CCDC157: variants seen among roughly 807,000 people sequenced by gnomAD.
CCDC157 encodes the protein coiled-coil domain containing 157.
CCDC157 carries 60 observed loss-of-function variants against 70.9 expected under a neutral mutation model. That is an observed-to-expected ratio of 0.85 (90% CI 0.69 to 1.05). CCDC157 has a LOEUF of 1.05. Ranked by LOEUF, CCDC157 falls within the 50% of genes least tolerant of loss-of-function variation. The pLI, the probability that CCDC157 is intolerant of heterozygous loss-of-function variation, is 0.00. For missense variants in CCDC157, 943 were observed against 984.2 expected, an observed-to-expected ratio of 0.96 and a Z score of 0.56; for synonymous variants, 373 against 422.4, an observed-to-expected ratio of 0.88 and a Z score of 1.43.
intron 5 of CCDC157, chr22:30,371,200 CAGTG>C (rs1391729095): frequency 5.2e-6 from 3 of 571,652 alleles, no homozygotes; most frequent in Non-Finnish European, 9.4e-6. Flanking sequence ...GTCCATCGGT[CAGTG>C]AGGGAACCGA....
intron 9 of CCDC157, chr22:30,374,418 G>C: frequency 1.9e-6 from 1 of 522,108 alleles, no homozygotes; most frequent in Non-Finnish European, 3.7e-6. Context: ...ACTTCTGTGT[G>C]TCCCCCTTCT....
intron 6 of CCDC157, 30 bp downstream of exon 6, chr22:30,371,757 C>T (rs376722350): frequency 6.7e-5 from 105 of 1,564,698 alleles, no homozygotes; most frequent in Non-Finnish European, 8.6e-5. Flanking sequence ...GCCCCCATGC[C>T]ACATCTCAAG....
At chr22:30,373,158 G>A (rs963654980) in intron 7 of CCDC157, 18 of 174,670 alleles carry the variant, frequency 1.0e-4, no homozygotes, top group East Asian at 1.7e-4. Flanking sequence ...CCAGGACTCC[G>A]AGCAGTCCAG....
At chr22:30,367,966 G>C (rs1212160567) in intron 3 of CCDC157, among the ~76,000 whole-genome samples, 1 of 152,190 alleles carries the variant, frequency 6.6e-6, no homozygotes, top group African/African-American at 2.4e-5. Context: ...CAGGAGAATT[G>C]CTTGAACCTA....
At chr22:30,373,548 C>T (rs1246100532) in intron 7 of CCDC157, 49 bp from the exon 8 acceptor site, 5 of 1,546,374 alleles carry the variant, frequency 3.2e-6, no homozygotes, top group Non-Finnish European at 4.4e-6. Context: ...CATGGCTGGG[C>T]CTAGCCCTGT....
At chr22:30,375,359 G>C in intron 9 of CCDC157, 120 bp from the exon 10 acceptor site, 2 of 884,124 alleles carry the variant, frequency 2.3e-6, no homozygotes, top group East Asian at 5.0e-5. Flanking sequence ...GGGGAATAAG[G>C]CCTCGGGAGA....
intron 1 of CCDC157, among the ~76,000 whole-genome samples, chr22:30,359,454 G>T (rs1289949283): frequency 6.6e-6 from 1 of 152,212 alleles, no homozygotes; most frequent in Non-Finnish European, 1.5e-5. Context: ...GGTAGTTCCT[G>T]GAGGACAGGG....
intron 5 of CCDC157, 31 bp from the exon 6 acceptor site, chr22:30,371,619 C>A: frequency 6.3e-7 from 1 of 1,590,604 alleles, no homozygotes; most frequent in East Asian, 2.2e-5. Context: ...CCATGGGACC[C>A]TCTGAAGGGC....
chr22:30,358,105 C>A (rs971318196), intron 1 of CCDC157, among the ~76,000 whole-genome samples: 1 of 152,224 alleles, frequency 6.6e-6, no homozygotes, highest in African/African-American at 2.4e-5. Context: ...CTCTCCTCAA[C>A]TCTGGAAAGC....
rs1021903302 is a variant in CCDC157 at position 30,372,430 on chromosome 22, A to G, written c.1335+144A>G. ...CAGGTGTGGGGGTTGACTCACCTTT[A>G]CAGAGAGTCTACCCTGAACCAGGCA... On this transcript the variant is annotated intron_variant, in intron 7 of 11. Transcript: ENST00000338306. The G allele has an allele frequency of 2.2e-5, 26 of 1,169,706 alleles. No individual in the cohort carries two copies. The African/African-American group carries it at 3.4e-4, about 15-fold the overall frequency. The allele number at this position is 1,169,706 out of a possible 1,614,324, so 72.5% of individuals were successfully genotyped here. A position where few individuals can be genotyped will look rare whatever the true frequency, so the allele number is the denominator to read the frequency against.
chr22:30,365,521 G>A (rs1932661903), intron 2 of CCDC157, among the ~76,000 whole-genome samples: 1 of 152,142 alleles, frequency 6.6e-6, no homozygotes, highest in Admixed American at 6.5e-5. Flanking sequence ...AGATTGGAGA[G>A]GGCAGGCCTG....
At chr22:30,363,439 A>G (rs1932489217) in intron 2 of CCDC157, among the ~76,000 whole-genome samples, 1 of 152,072 alleles carries the variant, frequency 6.6e-6, no homozygotes, top group Admixed American at 6.6e-5. Context: ...CTTGTATTGG[A>G]CCAAGCACCT....
At chr22:30,374,688 A>G (rs1289930194) in intron 9 of CCDC157, 1 of 456,694 alleles carries the variant, frequency 2.2e-6, no homozygotes, top group Non-Finnish European at 4.4e-6. Context: ...TCCCCTTCTC[A>G]ACCACCTTGT....
At chr22:30,373,829 TC>T in intron 8 of CCDC157, 65 bp downstream of exon 8, 1 of 1,533,986 alleles carries the variant, frequency 6.5e-7, no homozygotes, top group Non-Finnish European at 8.8e-7. Flanking sequence ...TGCAGGCCTG[TC>T]CCATGTCTTT....
At position 30,371,884 on chromosome 22, in the gene CCDC157, C is replaced by T. The variant is rs184604773; in HGVS notation, c.1123+157C>T. 1.8e-4 allele frequency: 137 copies of T among 771,582 alleles called. 1 individual carries two copies. Among genetic ancestry groups the T allele is most frequent in the South Asian group, 5.4e-4 (31 of 57,688 alleles). The allele number at this position is 771,582 out of a possible 1,614,324, so 47.8% of individuals were successfully genotyped here. A position where few individuals can be genotyped will look rare whatever the true frequency, so the allele number is the denominator to read the frequency against. ...GACCAACCACACTATTGGCGATGACCAAACTGGGTTGCCACCTCCTACCGA... is the reference window on the plus strand; with the variant it reads ...GACCAACCACACTATTGGCGATGACTAAACTGGGTTGCCACCTCCTACCGA... On this transcript the variant is annotated intron_variant, in intron 6 of 11. Coordinates refer to ENST00000338306, the MANE Select transcript of CCDC157 (RefSeq NM_001017437.5).
intron 9 of CCDC157, 105 bp downstream of exon 9, chr22:30,374,196 A>G: frequency 1.5e-6 from 2 of 1,366,744 alleles, no homozygotes; most frequent in Non-Finnish European, 1.0e-6. Context: ...AGCCTGCAGC[A>G]AGGGTGTTAA....
intron 1 of CCDC157, among the ~76,000 whole-genome samples, chr22:30,361,261 A>AAG (rs1391094894): frequency 2.3e-4 from 35 of 151,330 alleles, no homozygotes; most frequent in Admixed American, 1.5e-3. Context: ...AAAAAAAAAA[A>AAG]AAAAGAAAAA....
chr22:30,373,557 G>T (rs761625174), intron 7 of CCDC157, 40 bp from the exon 8 acceptor site: 2 of 1,549,888 alleles, frequency 1.3e-6, no homozygotes, highest in South Asian at 1.2e-5. Flanking sequence ...GCCTAGCCCT[G>T]TGGGTCTCAC....
upstream of CCDC157, chr22:30,356,648 C>G: frequency 8.9e-7 from 1 of 1,117,590 alleles, no homozygotes; most frequent in South Asian, 1.9e-5. Flanking sequence ...CCCTTCATAG[C>G]GGCCGGCCGC....
Sources: allele counts gnomAD v4.1 joint callset (sites outside exome capture counted in the v4.1 genomes callset), GRCh38; gene constraint gnomAD v4.1.1; transcripts MANE v1.5; gene names NCBI Gene and HGNC (gene_info 2026-07-23, HGNC 2026-07-21).